The following KAT6A variants were observed in gnomAD, a reference collection of about 807,000 sequenced individuals.
KAT6A encodes the protein histone acetyltransferase KAT6A.
Under a neutral mutation model 198.4 loss-of-function variants are expected in KAT6A, and 9 were observed. The observed-to-expected ratio is 0.05, with a 90% CI of 0.03 to 0.08. The LOEUF is 0.08. Among genes scored for constraint, KAT6A ranks in the 10% least tolerant of loss-of-function variants. KAT6A has a pLI of 1.00. For synonymous variants in KAT6A, 890 were observed against 883.0 expected, an observed-to-expected ratio of 1.01 and a Z score of -0.14; for missense variants, 2,077 against 2,509.9, an observed-to-expected ratio of 0.83 and a Z score of 3.69.
intron 7 of KAT6A, among the ~76,000 whole-genome samples, chr8:41,975,352 T>C (rs1251398473): frequency 6.6e-6 from 1 of 152,154 alleles, no homozygotes; most frequent in Non-Finnish European, 1.5e-5. Flanking sequence ...TGAAAACGTA[T>C]GATAATTATC....
intron 2 of KAT6A, among the ~76,000 whole-genome samples, chr8:42,030,393 T>G (rs143841068): frequency 5.9e-5 from 9 of 152,266 alleles, no homozygotes; most frequent in African/African-American, 2.2e-4. Flanking sequence ...AGGTTCCTCA[T>G]CCTTTCCGTG....
At chr8:41,953,670 C>T (rs945703367) in intron 9 of KAT6A, among the ~76,000 whole-genome samples, 5 of 152,068 alleles carry the variant, frequency 3.3e-5, no homozygotes, top group African/African-American at 4.8e-5. Context: ...GACAGGGTTT[C>T]GCCATGTTGG....
At chr8:42,021,174 A>T (rs1387372350) in intron 2 of KAT6A, among the ~76,000 whole-genome samples, 2 of 152,204 alleles carry the variant, frequency 1.3e-5, no homozygotes, top group Non-Finnish European at 2.9e-5. Context: ...CCTAATTTAA[A>T]TAGATTATAA....
At position 41,976,993 on chromosome 8, in the gene KAT6A, G is replaced by C. The variant is rs1446386923; in HGVS notation, c.1363+15C>G. On this transcript the variant is annotated intron_variant, in intron 7 of 16. Transcript: ENST00000265713. ...CAGAATACTATTTGTTTCTAAGTCTGTTCTAAACTCTTACCTGTGGGCCAA... is the reference window on the plus strand; with the variant it reads ...CAGAATACTATTTGTTTCTAAGTCTCTTCTAAACTCTTACCTGTGGGCCAA... 3.8e-6 allele frequency: 6 copies of C among 1,573,754 alleles called. No individual in the cohort carries two copies. The highest frequency in any genetic ancestry group is 1.2e-5 in the South Asian group (1 of 85,452).
chr8:42,024,405 A>T (rs1826693298), intron 2 of KAT6A, among the ~76,000 whole-genome samples: 1 of 152,238 alleles, frequency 6.6e-6, no homozygotes, highest in Non-Finnish European at 1.5e-5. Context: ...AAATCAGGGT[A>T]TTTAGGATAT....
At position 42,041,537 on chromosome 8, in the gene KAT6A, G is replaced by A. The variant is rs1587860452; in HGVS notation, c.600+6841C>T. ...GGATCACCTGAGGTCAGGAGTTCGA[G>A]AACACAACTGGCCAACATGGTGAAA... On this transcript the variant is annotated intron_variant, in intron 2 of 16. Transcript: ENST00000265713. Among the ~76,000 whole-genome samples the A allele has an allele frequency of 2.6e-5, 4 of 152,250 alleles. No homozygotes were observed. In the South Asian group the frequency reaches 8.3e-4, roughly 32 times the overall value.
At chr8:42,021,469 G>A (rs1038406068) in intron 2 of KAT6A, among the ~76,000 whole-genome samples, 16 of 152,124 alleles carry the variant, frequency 1.1e-4, no homozygotes, top group Admixed American at 1.0e-3. Context: ...TGTAATTTAG[G>A]TACTATTATA....
chr8:41,946,741 C>A, intron 11 of KAT6A, 57 bp from the exon 12 acceptor site: 1 of 1,022,836 alleles, frequency 9.8e-7, no homozygotes, highest in Non-Finnish European at 1.5e-6. Context: ...TGAATAATAA[C>A]GTGAATTAAG....
At chr8:41,966,640 A>G (rs902068546) in intron 8 of KAT6A, among the ~76,000 whole-genome samples, 2 of 152,132 alleles carry the variant, frequency 1.3e-5, no homozygotes, top group African/African-American at 4.8e-5. Context: ...GGTTGCGCCA[A>G]TTCTCACACA....
chr8:42,044,947 T>G (rs1212942360), intron 2 of KAT6A, among the ~76,000 whole-genome samples: 1 of 152,228 alleles, frequency 6.6e-6, no homozygotes, highest in African/African-American at 2.4e-5. Flanking sequence ...GCATAGCAAC[T>G]GACTGCGTAG....
intron 8 of KAT6A, among the ~76,000 whole-genome samples, chr8:41,970,979 A>C (rs1397915305): frequency 6.6e-6 from 1 of 152,174 alleles, no homozygotes; most frequent in Non-Finnish European, 1.5e-5. Context: ...AGGACAAAAA[A>C]ACCAAACACC....
chr8:41,996,108 A>C (rs1276384758), intron 2 of KAT6A, among the ~76,000 whole-genome samples: 1 of 152,258 alleles, frequency 6.6e-6, no homozygotes, highest in Non-Finnish European at 1.5e-5. Context: ...CACTGACAAA[A>C]AGAACAGTCA....
intron 8 of KAT6A, among the ~76,000 whole-genome samples, chr8:41,972,321 T>C (rs1823834853): frequency 6.6e-6 from 1 of 152,232 alleles, no homozygotes; most frequent in Non-Finnish European, 1.5e-5. Flanking sequence ...AAATCATCTC[T>C]GGATGCTAAA....
chr8:41,983,627 A>G (rs1824465671), intron 3 of KAT6A, among the ~76,000 whole-genome samples: 1 of 152,214 alleles, frequency 6.6e-6, no homozygotes, highest in Non-Finnish European at 1.5e-5. Flanking sequence ...ACTTCTTTTA[A>G]TCCCTTAGAA....
chr8:42,000,797 G>GA (rs998934817), intron 2 of KAT6A, among the ~76,000 whole-genome samples: 5 of 152,236 alleles, frequency 3.3e-5, no homozygotes, highest in Non-Finnish European at 7.4e-5. Flanking sequence ...GTTTGGAACT[G>GA]AAAGGGATCT....
rs10710765 is a variant in KAT6A at position 41,995,674 on chromosome 8, CTT to C, written c.601-8113_601-8112del. Among the ~76,000 whole-genome samples, 389 of 103,080 alleles carry C rather than the reference CTT, an allele frequency of 3.8e-3. 2 individuals are homozygous for C. The highest frequency in any genetic ancestry group is 6.8e-3 in the African/African-American group (166 of 24,552). The allele number at this position is 103,080 out of a possible 152,430, so 67.6% of individuals were successfully genotyped here. A position where few individuals can be genotyped will look rare whatever the true frequency, so the allele number is the denominator to read the frequency against. ...CATCTAAAAAGTCCAATTTTCATTT[CTT>C]TTTTTTTTTTTTTTTTTGAGATGGA... On this transcript the variant is annotated intron_variant, in intron 2 of 16. Transcript: ENST00000265713.
chr8:42,026,381 C>A (rs987168188), intron 2 of KAT6A, among the ~76,000 whole-genome samples: 9 of 152,090 alleles, frequency 5.9e-5, no homozygotes, highest in African/African-American at 1.9e-4. Flanking sequence ...ATTTCAACAA[C>A]AGTAATTCTT....
intron 2 of KAT6A, among the ~76,000 whole-genome samples, chr8:42,023,543 A>C (rs1826651526): frequency 6.6e-6 from 1 of 151,654 alleles, no homozygotes; most frequent in African/African-American, 2.4e-5. Context: ...GCTGGAGTGC[A>C]GTGGCATGAT....
chr8:41,945,503 C>T (rs1299826054), intron 12 of KAT6A, among the ~76,000 whole-genome samples: 1 of 152,016 alleles, frequency 6.6e-6, no homozygotes. Flanking sequence ...AACTCCCGAC[C>T]TCATGATCTG....
Sources: gnomAD v4.1 joint callset for allele counts (sites outside exome capture counted in the v4.1 genomes callset) on GRCh38, gnomAD v4.1.1 for gene constraint, MANE v1.5 for transcripts, NCBI Gene and HGNC (gene_info 2026-07-23, HGNC 2026-07-21) for gene names.